IPMK: variants seen among roughly 807,000 people sequenced by gnomAD.
IPMK encodes inositol polyphosphate multikinase.
A neutral mutation model predicts 45.8 loss-of-function variants in IPMK; 17 were observed. The ratio of observed to expected loss-of-function variants is 0.37; its 90% CI spans 0.25 to 0.56. IPMK has a LOEUF of 0.56. IPMK is among the 20% of genes least tolerant of loss of function. IPMK has a pLI of 0.79. For synonymous variants in IPMK, 180 were observed against 184.3 expected (o/e 0.98, Z 0.19); for missense variants, 399 against 498.0 (o/e 0.80, Z 1.89).
chr10:58,211,051 G>GACT (rs1013768695), intron 4 of IPMK, among the ~76,000 whole-genome samples: 3 of 152,154 alleles, frequency 2.0e-5, no homozygotes, highest in African/African-American at 7.2e-5. Context: ...AATGTTTAGA[G>GACT]AAAGAATTAT....
Position 58,242,253 on chromosome 10 carries a change from C to T in IPMK, c.191-4439G>A, listed in dbSNP as rs1311046759. On this transcript the variant is annotated intron_variant, in intron 1 of 5. Coordinates refer to ENST00000373935, the MANE Select transcript of IPMK (RefSeq NM_152230.5). ...AAAAGACATCACGAGGTAAGGAGAT[C>T]GAGACCATCTTGGCTAACATGGTGA... is the stretch of plus-strand genomic sequence containing the variant. Among the ~76,000 whole-genome samples the T allele has an allele frequency of 6.6e-5, 10 of 151,834 alleles. No homozygotes were observed. The South Asian group carries it at 1.5e-3, about 22-fold the overall frequency.
At chr10:58,222,960 G>C (rs1020155580) in intron 3 of IPMK, among the ~76,000 whole-genome samples, 4 of 152,140 alleles carry the variant, frequency 2.6e-5, no homozygotes, top group African/African-American at 9.7e-5. Context: ...GGATGCAAAG[G>C]CATAAGAACA....
intron 1 of IPMK, among the ~76,000 whole-genome samples, chr10:58,259,165 G>A (rs573295031): frequency 1.3e-5 from 2 of 152,258 alleles, no homozygotes; most frequent in South Asian, 4.1e-4. Context: ...GGAACCATGA[G>A]CACACCTAGT....
In IPMK at chr10:58,267,860, G is replaced by A; in HGVS notation, c.-249C>T. 1 of 454,200 alleles carries A rather than the reference G, an allele frequency of 2.2e-6. No homozygotes were observed. Among genetic ancestry groups the A allele is most frequent in the Non-Finnish European group, 3.9e-6 (1 of 258,038 alleles). 28.1% of individuals were successfully genotyped at this position (454,200 alleles called of 1,614,324 possible). On this transcript the variant is annotated 5_prime_UTR_variant, in exon 1 of 6. Coordinates refer to ENST00000373935, the MANE Select transcript of IPMK (RefSeq NM_152230.5). ...CTCTGCCGCCGCAGCCGCCGGCCCCGGCGCTGCCCGGTAGACAGAACCGAG... is the reference window on the plus strand; with the variant it reads ...CTCTGCCGCCGCAGCCGCCGGCCCCAGCGCTGCCCGGTAGACAGAACCGAG...
At chr10:58,200,029 T>C (rs1404997344) in intron 4 of IPMK, among the ~76,000 whole-genome samples, 1 of 152,174 alleles carries the variant, frequency 6.6e-6, no homozygotes, top group Non-Finnish European at 1.5e-5. Context: ...CACACACCTA[T>C]GTTCTCAAAA....
intron 2 of IPMK, among the ~76,000 whole-genome samples, chr10:58,236,383 A>G (rs1388002622): frequency 1.3e-5 from 2 of 152,218 alleles, no homozygotes; most frequent in African/African-American, 4.8e-5. Context: ...ACACAGCTGG[A>G]AAAGATCTTA....
intron 1 of IPMK, among the ~76,000 whole-genome samples, chr10:58,241,353 A>C (rs1838694222): frequency 1.3e-5 from 2 of 152,166 alleles, no homozygotes; most frequent in Non-Finnish European, 1.5e-5. Context: ...AGTAATCTAC[A>C]TTTGCGGGAG....
chr10:58,216,358 T>C (rs546976308), intron 3 of IPMK, 41 bp from the exon 4 acceptor site: 2 of 955,724 alleles, frequency 2.1e-6, no homozygotes, highest in Non-Finnish European at 3.0e-6. Context: ...TAGGCAAACA[T>C]ATTACTACTC....
chr10:58,219,125 C>T (rs543360375), intron 3 of IPMK, among the ~76,000 whole-genome samples: 2 of 152,238 alleles, frequency 1.3e-5, no homozygotes, highest in East Asian at 1.9e-4. Context: ...ATTTCTTATT[C>T]GCCTTCAGAA....
intron 5 of IPMK, among the ~76,000 whole-genome samples, 155 bp from the exon 6 acceptor site, chr10:58,196,853 T>G (rs1459609885): frequency 6.6e-6 from 1 of 152,220 alleles, no homozygotes; most frequent in African/African-American, 2.4e-5. Flanking sequence ...TAGTCAGATA[T>G]AGAAGTCTGA....
rs142947058 is a variant in IPMK at position 58,251,223 on chromosome 10, ATTTAT to A, written c.191-13414_191-13410del. ...GTCATTTGTCTGAAGGAATTTTATA[ATTTAT>A]TTTAATTTCTTAATTGACTCCATTC... On this transcript the variant is annotated intron_variant, in intron 1 of 5. Coordinates refer to ENST00000373935, the MANE Select transcript of IPMK (RefSeq NM_152230.5). 1.1e-4 allele frequency among the ~76,000 whole-genome samples: 17 copies of A among 152,232 alleles called. No individual in the cohort carries two copies. In the East Asian group the frequency reaches 2.5e-3, roughly 22 times the overall value.
At position 58,192,624 on chromosome 10, in the gene IPMK, AG is replaced by A. The variant is rs1033289338; in HGVS notation, c.*3451del. On this transcript the variant is annotated 3_prime_UTR_variant, in exon 6 of 6. Coordinates refer to ENST00000373935, the MANE Select transcript of IPMK (RefSeq NM_152230.5). ...TCCAAAGAGAATGCTGAAAATGGTT[AG>A]GGCCTTATCCGTTTGGTTCACAGTT... The A allele has an allele frequency of 6.6e-6, 1 of 151,976 alleles. No homozygotes were observed. The highest frequency in any genetic ancestry group is 2.4e-5 in the African/African-American group (1 of 41,428). 9.4% of individuals were successfully genotyped at this position (151,976 alleles called of 1,614,324 possible).
chr10:58,206,685 A>G (rs550666925), intron 4 of IPMK, among the ~76,000 whole-genome samples: 9 of 152,184 alleles, frequency 5.9e-5, no homozygotes, highest in Admixed American at 6.5e-5. Flanking sequence ...TGTTACATGG[A>G]TAAGTTCTTC....
chr10:58,262,382 C>A (rs1340718461), intron 1 of IPMK, among the ~76,000 whole-genome samples: 1 of 152,032 alleles, frequency 6.6e-6, no homozygotes, highest in African/African-American at 2.4e-5. Context: ...AGGGTTCTTA[C>A]TACAGAAGAA....
intron 1 of IPMK, among the ~76,000 whole-genome samples, chr10:58,259,474 A>T (rs934840514): frequency 6.6e-6 from 1 of 151,682 alleles, no homozygotes; most frequent in Non-Finnish European, 1.5e-5. Context: ...GAATGAATGA[A>T]TGAATGAATG....
intron 3 of IPMK, among the ~76,000 whole-genome samples, chr10:58,217,515 C>G (rs926205860): frequency 4.0e-5 from 6 of 151,012 alleles, no homozygotes; most frequent in Admixed American, 1.3e-4. Context: ...ATGGAGAAAC[C>G]CCGTCTCTAC....
intron 3 of IPMK, among the ~76,000 whole-genome samples, chr10:58,219,401 A>T (rs563962403): frequency 6.6e-6 from 1 of 152,338 alleles, no homozygotes; most frequent in South Asian, 2.1e-4. Flanking sequence ...TGAGATTTTT[A>T]CTGATTTACA....
Position 58,196,441 on chromosome 10 carries a change from G to A in IPMK, c.886C>T (p.His296Tyr). 2 of 1,614,094 alleles carry A rather than the reference G, an allele frequency of 1.2e-6. No individual in the cohort carries two copies. Among genetic ancestry groups the A allele is most frequent in the Non-Finnish European group, 1.7e-6 (2 of 1,180,010 alleles). The change falls in exon 6 of 6, where the codon CAT becomes TAT. Residue 296 changes from histidine (H) to tyrosine (Y), a missense_variant. By Grantham distance (83) the His-to-Tyr change is moderately conservative (BLOSUM62 2). Transcript: ENST00000373935. ...TEVLEYNNNF[H>Y]VLSSTANGKI... ...CCATTAGCTGTGGAACTTAACACAT[G>A]AAAGTTATTATTGTACTCTAGTACT...
chr10:58,267,467 G>A lies in IPMK; in HGVS notation c.145C>T (p.Leu49Phe), dbSNP rs571256565. 5.6e-6 allele frequency: 9 copies of A among 1,613,792 alleles called. No homozygotes were observed. The highest frequency in any genetic ancestry group is 1.3e-5 in the African/African-American group (1 of 75,070). ...ATGTGCCCGGCCACCTGATGCGAGA[G>A]GGGCACGCAGCCGTTGAGGAAGCGG... is the stretch of plus-strand genomic sequence containing the variant. Reference protein sequence around the residue: ...RLRFLNGCVPLSHQVAGHMYG... With the variant: ...RLRFLNGCVPFSHQVAGHMYG... The change falls in exon 1 of 6, where the codon CTC (leucine) becomes TTC (phenylalanine). Residue 49 changes from leucine (L) to phenylalanine (F), a missense_variant. By Grantham distance (22) the Leu-to-Phe change is conservative. Transcript: ENST00000373935.
Sources: allele counts gnomAD v4.1 joint callset (sites outside exome capture counted in the v4.1 genomes callset), GRCh38; gene constraint gnomAD v4.1.1; transcripts MANE v1.5; gene names NCBI Gene and HGNC (gene_info 2026-07-23, HGNC 2026-07-21).